The following COBLL1 variants were observed in gnomAD, a reference collection of about 807,000 sequenced individuals.
COBLL1 encodes the protein cordon-bleu protein-like 1.
COBLL1 carries 50 observed loss-of-function variants against 94.8 expected under a neutral mutation model. The observed-to-expected ratio is 0.53, with a 90% CI of 0.42 to 0.67. COBLL1 has a LOEUF of 0.67. Ranked by LOEUF, COBLL1 falls within the 30% of genes least tolerant of loss-of-function variation. The pLI is 0.00. For synonymous variants in COBLL1, 448 were observed against 473.8 expected (o/e 0.95, Z 0.71); for missense variants, 1,362 against 1,348.7 (o/e 1.01, Z -0.15).
chr2:164,767,064 T>C (rs1687967035), intron 2 of COBLL1, among the ~76,000 whole-genome samples: 1 of 152,162 alleles, frequency 6.6e-6, no homozygotes, highest in Admixed American at 6.5e-5. Context: ...AAAGATGTAG[T>C]GGGTACAATG....
chr2:164,786,838 T>C (rs940965870), intron 2 of COBLL1, among the ~76,000 whole-genome samples: 5 of 152,140 alleles, frequency 3.3e-5, no homozygotes, highest in Admixed American at 1.3e-4. Flanking sequence ...ACATTTTCTA[T>C]GACAGCATCC....
At chr2:164,798,034 G>A (rs181953206) in intron 2 of COBLL1, among the ~76,000 whole-genome samples, 45 of 152,200 alleles carry the variant, frequency 3.0e-4, no homozygotes, top group Non-Finnish European at 1.9e-4. Context: ...CTTGTGCTTG[G>A]CATACCTAAA....
intron 2 of COBLL1, among the ~76,000 whole-genome samples, chr2:164,814,849 C>T (rs1684637748): frequency 6.6e-6 from 1 of 152,178 alleles, no homozygotes; most frequent in Non-Finnish European, 1.5e-5. Flanking sequence ...CCTCCACCCT[C>T]CAAGTTCTCT....
intron 2 of COBLL1, among the ~76,000 whole-genome samples, chr2:164,746,936 T>A (rs1204198057): frequency 6.6e-6 from 1 of 152,144 alleles, no homozygotes; most frequent in African/African-American, 2.4e-5. Flanking sequence ...TACTTATGTC[T>A]CCTTCTGTTA....
At position 164,840,295 on chromosome 2, in the gene COBLL1, A is replaced by G. The variant is rs182676264; in HGVS notation, c.41+861T>C. On this transcript the variant is annotated intron_variant, in intron 2 of 13. Transcript: ENST00000652658. ...TTGGAGGAACACTTATGCTGGGGGG[A>G]AAAATCTTGTACTACATCAAACGAG... Among the ~76,000 whole-genome samples, 225 of 152,132 alleles carry G rather than the reference A, an allele frequency of 1.5e-3. 2 individuals carry two copies. Among genetic ancestry groups the G allele is most frequent in the African/African-American group, 5.1e-3 (211 of 41,458 alleles).
chr2:164,805,210 A>G (rs1684031549), intron 2 of COBLL1, among the ~76,000 whole-genome samples: 1 of 148,880 alleles, frequency 6.7e-6, no homozygotes, highest in Non-Finnish European at 1.5e-5. Context: ...AGTTGTCTCT[A>G]TTATACACAA....
chr2:164,728,290 C>T (rs1685818655), intron 4 of COBLL1, 93 bp from the exon 5 acceptor site: 1 of 741,854 alleles, frequency 1.3e-6, no homozygotes, highest in Non-Finnish European at 2.3e-6. Flanking sequence ...CCTACAGTTA[C>T]ATATTCAAAC....
At chr2:164,674,350 C>T (rs759947827) in intron 1 of COBLL1, among the ~76,000 whole-genome samples, 11 of 152,100 alleles carry the variant, frequency 7.2e-5, no homozygotes, top group South Asian at 2.1e-4. Flanking sequence ...TGAACCACTG[C>T]GCCCAGCCAA....
intron 13 of COBLL1, among the ~76,000 whole-genome samples, chr2:164,689,684 T>G (rs1250024437): frequency 1.3e-4 from 20 of 152,192 alleles, no homozygotes; most frequent in Non-Finnish European, 1.5e-5. Flanking sequence ...ATTAATCTTC[T>G]TTTAAAATTG....
chr2:164,707,296 A>G (rs1432938048), intron 7 of COBLL1, among the ~76,000 whole-genome samples: 1 of 151,998 alleles, frequency 6.6e-6, no homozygotes, highest in Non-Finnish European at 1.5e-5. Context: ...ATGCAATATG[A>G]CACCTGGCTA....
chr2:164,791,530 A>C (rs891104323), intron 2 of COBLL1, among the ~76,000 whole-genome samples: 3 of 152,294 alleles, frequency 2.0e-5, no homozygotes, highest in African/African-American at 7.2e-5. Flanking sequence ...ATACATACAT[A>C]CATACATTTG....
chr2:164,661,702 T>C (rs1691072429), intron 2 of COBLL1, among the ~76,000 whole-genome samples: 1 of 152,174 alleles, frequency 6.6e-6, no homozygotes, highest in Non-Finnish European at 1.5e-5. Flanking sequence ...AATATTGAAA[T>C]AGAGTTTTCA....
At position 164,768,851 on chromosome 2, in the gene COBLL1, T is replaced by G. The variant is rs185719614; in HGVS notation, c.42-24976A>C. On this transcript the variant is annotated intron_variant, in intron 2 of 13. Transcript: ENST00000652658. ...TAACTATTTTTAGGTATATTTGTAT[T>G]GCAAGCACACGATGGCACACTAAGC... 5.2e-3 allele frequency among the ~76,000 whole-genome samples: 790 copies of G among 152,290 alleles called. 12 individuals carry two copies. Among genetic ancestry groups the G allele is most frequent in the African/African-American group, 0.018 (729 of 41,556 alleles).
At chr2:164,766,526 T>C (rs1687941993) in intron 2 of COBLL1, among the ~76,000 whole-genome samples, 1 of 152,308 alleles carries the variant, frequency 6.6e-6, no homozygotes, top group East Asian at 1.9e-4. Context: ...CCTTGCCTTC[T>C]GCCATGATTA....
chr2:164,710,231 C>G (rs1299609482), intron 7 of COBLL1, among the ~76,000 whole-genome samples: 2 of 152,076 alleles, frequency 1.3e-5, no homozygotes, highest in Non-Finnish European at 2.9e-5. Context: ...AAGAGATGTT[C>G]TACATCTACT....
At chr2:164,835,047 G>A (rs1405155000) in intron 2 of COBLL1, among the ~76,000 whole-genome samples, 8 of 150,168 alleles carry the variant, frequency 5.3e-5, no homozygotes, top group African/African-American at 1.2e-4. Context: ...AATGTAAAAT[G>A]GTACAACCAC....
At position 164,704,807 on chromosome 2, in the gene COBLL1, C is replaced by T. The variant is rs76652009; in HGVS notation, c.1150+145G>A. 2.7e-3 allele frequency: 2,355 copies of T among 885,000 alleles called. 31 individuals are homozygous for T. In the African/African-American group the frequency reaches 0.036, roughly 14 times the overall value. 54.8% of individuals were successfully genotyped at this position (885,000 alleles called of 1,614,324 possible). A position where few individuals can be genotyped will look rare whatever the true frequency, so the allele number is the denominator to read the frequency against. The stretch of plus-strand genomic sequence containing the variant: ...TTTGGTGATGTTTCAGATTTTTAAA[C>T]GGCAGCAAAGTGAGACTAATCAAGA... On this transcript the variant is annotated intron_variant, in intron 8 of 13. Transcript: ENST00000652658.
intron 2 of COBLL1, among the ~76,000 whole-genome samples, chr2:164,658,715 T>C (rs931910568): frequency 2.0e-5 from 3 of 152,206 alleles, no homozygotes; most frequent in African/African-American, 4.8e-5. Context: ...GTAATTTCCA[T>C]TGGTTAGCTG....
chr2:164,842,025 G>T, upstream of COBLL1: 1 of 1,538,182 alleles, frequency 6.5e-7, no homozygotes, highest in Non-Finnish European at 8.7e-7. Context: ...GCACATAAGT[G>T]GGGACCAGCT....
Sources: allele counts gnomAD v4.1 joint callset (sites outside exome capture counted in the v4.1 genomes callset), GRCh38; gene constraint gnomAD v4.1.1; transcripts MANE v1.5; gene names NCBI Gene and HGNC (gene_info 2026-07-23, HGNC 2026-07-21).